The following CEP295 variants were observed in gnomAD, a reference collection of about 807,000 sequenced individuals.
CEP295 encodes centrosomal protein 295, also known as centrosomal protein of 295 kDa.
A neutral mutation model predicts 291.6 loss-of-function variants in CEP295; 190 were observed. The ratio of observed to expected loss-of-function variants is 0.65; its 90% CI spans 0.58 to 0.73. The LOEUF (loss-of-function observed/expected upper bound fraction) is 0.73. Ranked by LOEUF, CEP295 falls within the 30% of genes least tolerant of loss-of-function variation. The pLI is 0.00. For synonymous variants in CEP295, 993 were observed against 1,038.8 expected, an observed-to-expected ratio of 0.96 and a Z score of 0.85; for missense variants, 2,863 against 2,949.4, an observed-to-expected ratio of 0.97 and a Z score of 0.68.
Position 93,696,770 on chromosome 11 carries a change from C to A in CEP295, c.1858C>A (p.Pro620Thr). The A allele has an allele frequency of 6.4e-7, 1 of 1,551,578 alleles. No homozygotes were observed. The highest frequency in any genetic ancestry group is 8.7e-7 in the Non-Finnish European group (1 of 1,146,900). Residue 620 changes from proline to threonine, a missense_variant, in exon 15 of 30, where the codon CCA becomes ACA. By Grantham distance (38) the Pro-to-Thr change is conservative. Coordinates refer to ENST00000325212, the MANE Select transcript of CEP295 (RefSeq NM_033395.2). ...LKGRCPSVSA[P>T]SLITDSVISV... Reference sequence around the variant, plus strand: ...AGGAAGGTGCCCATCGGTGTCAGCTCCATCATTGATAACTGATTCTGTTAT... The same window carrying A: ...AGGAAGGTGCCCATCGGTGTCAGCTACATCATTGATAACTGATTCTGTTAT...
intron 4 of CEP295, 65 bp from the exon 5 acceptor site, chr11:93,669,612 T>G: frequency 1.9e-6 from 2 of 1,058,672 alleles, no homozygotes; most frequent in East Asian, 2.6e-5. Context: ...TTACATATTT[T>G]TAACCCTGTT....
chr11:93,711,234 C>T (rs1410129991), intron 18 of CEP295, among the ~76,000 whole-genome samples: 2 of 151,902 alleles, frequency 1.3e-5, no homozygotes, highest in Non-Finnish European at 2.9e-5. Context: ...TATGTAGATA[C>T]TTAAATAGCT....
At chr11:93,682,203 AT>A (rs1311025215) in intron 7 of CEP295, among the ~76,000 whole-genome samples, 1 of 152,100 alleles carries the variant, frequency 6.6e-6, no homozygotes, top group Admixed American at 6.6e-5. Flanking sequence ...TATATATGTT[AT>A]CACTTTTTAA....
At chr11:93,688,355 A>G (rs1951350786) in intron 10 of CEP295, among the ~76,000 whole-genome samples, 1 of 152,226 alleles carries the variant, frequency 6.6e-6, no homozygotes, top group African/African-American at 2.4e-5. Flanking sequence ...TATTAACTAT[A>G]TTTCCAGAAG....
chr11:93,713,383 CT>C (rs1249621971), intron 18 of CEP295, among the ~76,000 whole-genome samples: 1 of 152,140 alleles, frequency 6.6e-6, no homozygotes, highest in Non-Finnish European at 1.5e-5. Flanking sequence ...TAGGACAGGT[CT>C]GGTTTTGATT....
At chr11:93,687,898 A>G in intron 10 of CEP295, 33 bp downstream of exon 10, 2 of 1,481,878 alleles carry the variant, frequency 1.3e-6, no homozygotes, top group Non-Finnish European at 1.8e-6. Context: ...TTTTCTATAA[A>G]CCCTTTTAAG....
Position 93,730,250 on chromosome 11 carries a change from G to C in CEP295, c.7787G>C (p.Arg2596Pro). ...EFHKKTLEKL[R>P]AKNTC ...CCACAGAAAACACTAGAGAAACTTCGAGCCAAAAATACATGCTGACTTTCT... is the reference window on the plus strand; with the variant it reads ...CCACAGAAAACACTAGAGAAACTTCCAGCCAAAAATACATGCTGACTTTCT... Residue 2596 changes from arginine (R) to proline (P), a missense_variant, in exon 30 of 30, where the codon CGA becomes CCA. Arg to Pro is a moderately radical substitution (Grantham distance 103). Coordinates refer to ENST00000325212, the MANE Select transcript of CEP295 (RefSeq NM_033395.2). 2 of 1,550,578 alleles carry C rather than the reference G, an allele frequency of 1.3e-6. No homozygotes were observed. Among genetic ancestry groups the C allele is most frequent in the South Asian group, 1.2e-5 (1 of 84,024 alleles).
chr11:93,729,563 G>A, intron 26 of CEP295, 33 bp downstream of exon 26: 1 of 1,547,998 alleles, frequency 6.5e-7, no homozygotes, highest in African/African-American at 1.4e-5. Context: ...ACTTCTAATG[G>A]AAAGTAGATA....
At chr11:93,676,331 A>C (rs1048856027) in intron 6 of CEP295, among the ~76,000 whole-genome samples, 3 of 152,008 alleles carry the variant, frequency 2.0e-5, no homozygotes, top group Non-Finnish European at 2.9e-5. Context: ...TGCACTGAAT[A>C]TTATGTTTTA....
intron 9 of CEP295, 144 bp from the exon 10 acceptor site, chr11:93,687,500 A>G (rs1165704311): frequency 3.6e-6 from 2 of 562,616 alleles, no homozygotes; most frequent in East Asian, 2.9e-5. Context: ...GCATTGTTGT[A>G]TATACTGTTA....
chr11:93,724,616 A>G (rs904965183), intron 22 of CEP295, among the ~76,000 whole-genome samples: 17 of 151,836 alleles, frequency 1.1e-4, no homozygotes, highest in Non-Finnish European at 2.4e-4. Context: ...AAAATACAAA[A>G]ATTAGCCAGG....
chr11:93,728,036 T>G (rs1459765706), intron 24 of CEP295: 1 of 168,518 alleles, frequency 5.9e-6, no homozygotes, highest in Non-Finnish European at 1.3e-5. Flanking sequence ...ACTTTCAGTG[T>G]TGAGCCTCAT....
At chr11:93,679,744 C>A (rs191921875) in intron 7 of CEP295, among the ~76,000 whole-genome samples, 192 bp downstream of exon 7, 1 of 151,970 alleles carries the variant, frequency 6.6e-6, no homozygotes, top group South Asian at 2.1e-4. Context: ...AGCTATTCTC[C>A]CAGTGTATTG....
intron 7 of CEP295, among the ~76,000 whole-genome samples, chr11:93,681,403 ATTTTTTT>A (rs71064773): frequency 3.0e-4 from 11 of 36,530 alleles, no homozygotes; most frequent in South Asian, 4.9e-3. Context: ...CACCCAGCTA[ATTTTTTT>A]TTTTTTTTTT....
intron 23 of CEP295, 50 bp from the exon 24 acceptor site, chr11:93,726,926 T>G: frequency 7.1e-7 from 1 of 1,412,608 alleles, no homozygotes; most frequent in Non-Finnish European, 9.4e-7. Context: ...AGTATCCAAC[T>G]TTTACAACAT....
intron 18 of CEP295, among the ~76,000 whole-genome samples, chr11:93,720,974 T>A (rs1953670919): frequency 6.6e-6 from 1 of 152,234 alleles, no homozygotes; most frequent in Admixed American, 6.5e-5. Flanking sequence ...GATTTAATAT[T>A]CTTGCTTTTC....
At chr11:93,675,316 C>G (rs2134870129) in intron 5 of CEP295, among the ~76,000 whole-genome samples, 1 of 152,084 alleles carries the variant, frequency 6.6e-6, no homozygotes, top group East Asian at 1.9e-4. Flanking sequence ...CTATAAATAA[C>G]TTAAAAATTG....
At chr11:93,707,630 G>A (rs1172104893) in intron 18 of CEP295, among the ~76,000 whole-genome samples, 1 of 151,910 alleles carries the variant, frequency 6.6e-6, no homozygotes, top group African/African-American at 2.4e-5. Context: ...TGTAGTGGTG[G>A]TCACCTGTAG....
rs752423664 is a variant in CEP295, at chr11:93,722,023, A to G, written c.5920A>G (p.Asn1974Asp). 3 of 1,560,616 alleles carry G rather than the reference A, an allele frequency of 1.9e-6. No homozygotes were observed. The highest frequency in any genetic ancestry group is 2.6e-6 in the Non-Finnish European group (3 of 1,150,066). Residue 1974 changes from asparagine (N) to aspartate (D), a missense_variant, in exon 20 of 30, where the codon AAC (asparagine) becomes GAC (aspartate). Physicochemically the swap from Asn to Asp is conservative, Grantham distance 23 (BLOSUM62 1). Coordinates refer to ENST00000325212, the MANE Select transcript of CEP295 (RefSeq NM_033395.2). ...VSTGSLLSYENTDLSLTDPES... is the reference protein window; with the variant it reads ...VSTGSLLSYEDTDLSLTDPES... ...CACTGGGAGCCTTTTAAGTTATGAA[A>G]ACACAGATTTGAGCCTTACAGATCC...
Sources: gnomAD v4.1 joint callset for allele counts (sites outside exome capture counted in the v4.1 genomes callset) on GRCh38, gnomAD v4.1.1 for gene constraint, MANE v1.5 for transcripts, NCBI Gene and HGNC (gene_info 2026-07-23, HGNC 2026-07-21) for gene names.